Variants in ALPL observed in about 807,000 individuals in gnomAD.
ALPL encodes alkaline phosphatase, tissue-nonspecific isozyme.
In ALPL, 42 loss-of-function variants were observed where a neutral mutation model predicts 51.3. The observed-to-expected ratio is 0.82, with a 90% CI of 0.64 to 1.06. The LOEUF is 1.06. Ranked by LOEUF, ALPL falls within the 50% of genes least tolerant of loss-of-function variation. The pLI, the probability that ALPL is intolerant of heterozygous loss-of-function variation, is 0.00. For synonymous variants in ALPL, 279 were observed against 296.4 expected (o/e 0.94, Z 0.60); for missense variants, 589 against 709.4 (o/e 0.83, Z 1.93).
intron 1 of ALPL, among the ~76,000 whole-genome samples, chr1:21,510,311 TCAACACA>T (rs1643659590): frequency 6.6e-6 from 1 of 152,168 alleles, no homozygotes; most frequent in African/African-American, 2.4e-5. Context: ...TGACTCTTTT[TCAACACA>T]TAATGGGGTC....
intron 1 of ALPL, among the ~76,000 whole-genome samples, chr1:21,552,355 T>G (rs1644342523): frequency 6.7e-6 from 1 of 150,298 alleles, no homozygotes; most frequent in Non-Finnish European, 1.5e-5. Flanking sequence ...GGCGCAAGCC[T>G]GTAATCCCAG....
chr1:21,514,005 C>T (rs1472563), intron 1 of ALPL, among the ~76,000 whole-genome samples: 64,241 of 152,064 alleles, frequency 0.42, 13,969 homozygotes, highest in East Asian at 0.52. Flanking sequence ...AAGAGGGGCT[C>T]AAATTCCACT....
In ALPL at chr1:21,573,803, G is replaced by C. The variant is rs1160880017; in HGVS notation, c.997+4G>C. 1 of 1,614,158 alleles carries C rather than the reference G, an allele frequency of 6.2e-7. No individual in the cohort carries two copies. The highest frequency in any genetic ancestry group is 1.7e-5 in the Admixed American group (1 of 60,014). On this transcript the variant is annotated splice_donor_region_variant and intron_variant, in intron 9 of 11. Coordinates refer to ENST00000374840, the MANE Select transcript of ALPL (RefSeq NM_000478.6). Reference sequence around the variant, plus strand: ...GGCTTCTTCTTGCTGGTGGAAGGTAGGGACCCCGGGTCTGCTGAGAGGGGG... The same window carrying C: ...GGCTTCTTCTTGCTGGTGGAAGGTACGGACCCCGGGTCTGCTGAGAGGGGG...
intron 1 of ALPL, among the ~76,000 whole-genome samples, chr1:21,516,223 A>G (rs1643797426): frequency 6.6e-6 from 1 of 152,022 alleles, no homozygotes; most frequent in Admixed American, 6.6e-5. Context: ...ACCTGTCTCC[A>G]CCTGTCTCCA....
chr1:21,567,284 C>T (rs963921212), intron 6 of ALPL, among the ~76,000 whole-genome samples: 4 of 152,250 alleles, frequency 2.6e-5, no homozygotes, highest in Non-Finnish European at 5.9e-5. Flanking sequence ...GTGGTCACCG[C>T]AGGCGGCTGC....
rs909263305 is a variant in ALPL, at chr1:21,564,452, G to A, written c.648+236G>A. Among the ~76,000 whole-genome samples, 7 of 152,212 alleles carry A rather than the reference G, an allele frequency of 4.6e-5. No homozygotes were observed. The highest frequency in any genetic ancestry group is 1.7e-4 in the African/African-American group (7 of 41,452). On this transcript the variant is annotated intron_variant, in intron 6 of 11. Coordinates refer to ENST00000374840, the MANE Select transcript of ALPL (RefSeq NM_000478.6). The surrounding 1 kb of genome is among the most constrained non-coding windows in gnomAD (Gnocchi z 5.8). ...ACCGCCACCACACCCCAAGAACCAG[G>A]CATCCAGGGATGATTCCATAAATTG...
chr1:21,566,133 G>T (rs1175717080), intron 6 of ALPL, among the ~76,000 whole-genome samples: 1 of 150,122 alleles, frequency 6.7e-6, no homozygotes, highest in Non-Finnish European at 1.5e-5. Context: ...CTGAGAGCAA[G>T]GACTCTGCCT....
intron 8 of ALPL, among the ~76,000 whole-genome samples, chr1:21,572,244 C>T (rs2148181118): frequency 6.6e-6 from 1 of 152,310 alleles, no homozygotes; most frequent in African/African-American, 2.4e-5. Context: ...AGCTGGGTCT[C>T]CCATGAGGTC....
intron 4 of ALPL, 125 bp downstream of exon 4, chr1:21,561,337 C>A: frequency 1.3e-6 from 1 of 791,170 alleles, no homozygotes; most frequent in Non-Finnish European, 2.2e-6. Flanking sequence ...GCCCACTCCC[C>A]ACCTGGAGCA....
At chr1:21,573,950 C>T (rs1644690236) in intron 9 of ALPL, 151 bp downstream of exon 9, 5 of 1,472,912 alleles carry the variant, frequency 3.4e-6, no homozygotes, top group Non-Finnish European at 1.8e-6. Context: ...AGACGGGTGG[C>T]ACTGTAGACA....
chr1:21,517,091 C>T (rs1643814654), intron 1 of ALPL, among the ~76,000 whole-genome samples: 1 of 152,160 alleles, frequency 6.6e-6, no homozygotes, highest in Non-Finnish European at 1.5e-5. Context: ...CTTGGCTATA[C>T]TGTATTGAAT....
rs367624536 is a variant in ALPL, at chr1:21,551,947, G to C, written c.-104-2031G>C. ...TCACTGTGTTAGCCAGGATGGTCTC[G>C]ATCTCCTGACTTCGTGATCCGCCCG... On this transcript the variant is annotated intron_variant, in intron 1 of 11. Coordinates refer to ENST00000374840, the MANE Select transcript of ALPL (RefSeq NM_000478.6). Among the ~76,000 whole-genome samples the C allele has an allele frequency of 8.6e-4, 129 of 150,458 alleles. 2 individuals are homozygous for C. The East Asian group carries it at 0.022, about 25-fold the overall frequency.
intron 1 of ALPL, among the ~76,000 whole-genome samples, chr1:21,521,371 G>A (rs1331879669): frequency 6.6e-6 from 1 of 152,186 alleles, no homozygotes; most frequent in African/African-American, 2.4e-5. Context: ...TTTTAGGAGA[G>A]ACAGGGTTTC....
intron 1 of ALPL, among the ~76,000 whole-genome samples, chr1:21,527,989 T>C (rs562748928): frequency 6.6e-6 from 1 of 150,948 alleles, no homozygotes; most frequent in South Asian, 2.1e-4. Context: ...GATGTTTTCA[T>C]TGTGTGTACG....
chr1:21,512,558 A>G (rs578192983), intron 1 of ALPL, among the ~76,000 whole-genome samples: 1 of 152,278 alleles, frequency 6.6e-6, no homozygotes, highest in South Asian at 2.1e-4. Flanking sequence ...CAGGGAAAAC[A>G]CTGGTTTGGG....
chr1:21,571,443 T>A (rs569327791), intron 8 of ALPL, among the ~76,000 whole-genome samples: 4 of 143,792 alleles, frequency 2.8e-5, no homozygotes, highest in African/African-American at 7.8e-5. Flanking sequence ...GAGGCCGAGG[T>A]GGGCGGAGCA....
intron 1 of ALPL, among the ~76,000 whole-genome samples, chr1:21,551,083 C>G (rs1644314744): frequency 6.6e-6 from 1 of 152,200 alleles, no homozygotes; most frequent in Non-Finnish European, 1.5e-5. Flanking sequence ...ACTCCACCAA[C>G]GGCGAGCGGA....
intron 1 of ALPL, among the ~76,000 whole-genome samples, chr1:21,548,977 C>T (rs1644286876): frequency 1.3e-5 from 2 of 152,128 alleles, no homozygotes; most frequent in Non-Finnish European, 2.9e-5. Flanking sequence ...GTTTTAATAC[C>T]ACTGCCACGC....
At chr1:21,521,457 T>G (rs2148067161) in intron 1 of ALPL, among the ~76,000 whole-genome samples, 1 of 152,326 alleles carries the variant, frequency 6.6e-6, no homozygotes, top group African/African-American at 2.4e-5. Flanking sequence ...AGTGCTGGGA[T>G]TACAACAGCC....
Sources: gnomAD v4.1 joint callset for allele counts (sites outside exome capture counted in the v4.1 genomes callset) on GRCh38, gnomAD v4.1.1 for gene constraint, Gnocchi (gnomAD v3.1) non-coding constraint, MANE v1.5 for transcripts, NCBI Gene and HGNC (gene_info 2026-07-23, HGNC 2026-07-21) for gene names.